SKAP1: variants seen among roughly 807,000 people sequenced by gnomAD.
The protein encoded by SKAP1 is src kinase-associated phosphoprotein 1.
SKAP1 carries 44 observed loss-of-function variants against 58.5 expected under a neutral mutation model. The observed-to-expected ratio is 0.75, with a 90% CI of 0.59 to 0.97. The LOEUF (loss-of-function observed/expected upper bound fraction) is 0.97, where lower values mean the gene tolerates loss of function less well. SKAP1 is among the 50% of genes least tolerant of loss of function. SKAP1 has a pLI of 0.00. For synonymous variants in SKAP1, 127 were observed against 149.7 expected (o/e 0.85, Z 1.11); for missense variants, 390 against 435.2 (o/e 0.90, Z 0.92).
At chr17:48,234,039 C>G (rs577585480) in intron 4 of SKAP1, among the ~76,000 whole-genome samples, 1 of 152,258 alleles carries the variant, frequency 6.6e-6, no homozygotes, top group South Asian at 2.1e-4. Context: ...ACTTCTTACT[C>G]AAGTGCATTT....
chr17:48,289,717 T>C (rs2065876947), intron 4 of SKAP1, among the ~76,000 whole-genome samples: 1 of 152,064 alleles, frequency 6.6e-6, no homozygotes, highest in South Asian at 2.1e-4. Flanking sequence ...TAATCTGTAG[T>C]CATTATTAAC....
chr17:48,263,424 T>A (rs2065505002), intron 4 of SKAP1, among the ~76,000 whole-genome samples: 1 of 152,258 alleles, frequency 6.6e-6, no homozygotes, highest in Non-Finnish European at 1.5e-5. Context: ...GGTCTCTTTA[T>A]AAAAGCAGAC....
At chr17:48,250,644 C>T (rs960824329) in intron 4 of SKAP1, among the ~76,000 whole-genome samples, 6 of 151,732 alleles carry the variant, frequency 4.0e-5, no homozygotes, top group Non-Finnish European at 2.9e-5. Context: ...TCTAAATATG[C>T]GATCTTCTCG....
At chr17:48,405,091 A>G (rs1245819640) in intron 1 of SKAP1, among the ~76,000 whole-genome samples, 1 of 151,942 alleles carries the variant, frequency 6.6e-6, no homozygotes, top group Non-Finnish European at 1.5e-5. Flanking sequence ...AGAAATTACT[A>G]AAAAAAACAT....
chr17:48,304,384 T>C (rs16955073), intron 4 of SKAP1, among the ~76,000 whole-genome samples: 30,019 of 152,204 alleles, frequency 0.2, 3,792 homozygotes, highest in South Asian at 0.38. Flanking sequence ...GCAATGTAGA[T>C]AAGCAAAGAA....
intron 4 of SKAP1, among the ~76,000 whole-genome samples, chr17:48,263,010 T>A (rs1054535282): frequency 5.9e-5 from 9 of 152,232 alleles, no homozygotes; most frequent in African/African-American, 2.2e-4. Flanking sequence ...ATGTGCATTT[T>A]TTTTCAAATG....
At chr17:48,320,916 G>A (rs773119920) in intron 4 of SKAP1, among the ~76,000 whole-genome samples, 6 of 152,178 alleles carry the variant, frequency 3.9e-5, no homozygotes, top group East Asian at 3.8e-4. Flanking sequence ...TACATTACAC[G>A]TCAAATTCTT....
At chr17:48,197,185 G>A (rs1226119423) in intron 4 of SKAP1, among the ~76,000 whole-genome samples, 1 of 151,184 alleles carries the variant, frequency 6.6e-6, no homozygotes, top group African/African-American at 2.4e-5. Flanking sequence ...TTGAACCCAG[G>A]AGGCGGATGT....
chr17:48,238,581 C>T (rs2065208210), intron 4 of SKAP1, among the ~76,000 whole-genome samples: 1 of 151,990 alleles, frequency 6.6e-6, no homozygotes, highest in East Asian at 1.9e-4. Context: ...CTATGTTGCA[C>T]AGGATGGTCT....
chr17:48,329,178 G>A (rs781359473), intron 4 of SKAP1, among the ~76,000 whole-genome samples: 6 of 152,152 alleles, frequency 3.9e-5, no homozygotes, highest in Non-Finnish European at 7.4e-5. Context: ...TACAATAGTG[G>A]AAGACAATGT....
chr17:48,432,591 C>T (rs2067925728), upstream of SKAP1, among the ~76,000 whole-genome samples: 1 of 152,216 alleles, frequency 6.6e-6, no homozygotes, highest in African/African-American at 2.4e-5. Flanking sequence ...ACTTATGAGG[C>T]ATACTAAAAA....
At chr17:48,180,389 T>C in intron 8 of SKAP1, 141 bp from the exon 9 acceptor site, 3 of 672,782 alleles carry the variant, frequency 4.5e-6, no homozygotes, top group Admixed American at 6.3e-5. Context: ...TGCTATTATT[T>C]CTAATGTGGG....
intron 4 of SKAP1, among the ~76,000 whole-genome samples, chr17:48,337,980 T>TCTTCCTTC (rs1039934760): frequency 6.6e-6 from 1 of 151,740 alleles, no homozygotes; most frequent in Non-Finnish European, 1.5e-5. Context: ...ACACTTAGTA[T>TCTTCCTTC]CTTCCTTCCT....
chr17:48,177,800 C>T lies in SKAP1; in HGVS notation c.826+2254G>A, dbSNP rs543776313. Among the ~76,000 whole-genome samples the T allele has an allele frequency of 3.0e-4, 46 of 152,236 alleles. 2 individuals carry two copies. In the South Asian group the frequency reaches 9.6e-3, roughly 32 times the overall value. ...CAATATATCCCACCTCCAACTCTGACTCTAAGAACTGTGATGGATAGAGGC... is the reference window on the plus strand; with the variant it reads ...CAATATATCCCACCTCCAACTCTGATTCTAAGAACTGTGATGGATAGAGGC... On this transcript the variant is annotated intron_variant, in intron 9 of 12. Coordinates refer to ENST00000336915, the MANE Select transcript of SKAP1 (RefSeq NM_003726.4).
intron 4 of SKAP1, among the ~76,000 whole-genome samples, chr17:48,329,178 G>C (rs781359473): frequency 6.6e-6 from 1 of 152,270 alleles, no homozygotes; most frequent in East Asian, 1.9e-4. Flanking sequence ...TACAATAGTG[G>C]AAGACAATGT....
intron 11 of SKAP1, among the ~76,000 whole-genome samples, chr17:48,160,420 A>G (rs2021811): frequency 0.56 from 84,790 of 151,792 alleles, 24,674 homozygotes; most frequent in East Asian, 0.77. Context: ...CACAGGCGTA[A>G]GCCACCATGC....
At chr17:48,157,826 G>A (rs1194074966) in intron 11 of SKAP1, among the ~76,000 whole-genome samples, 1 of 150,574 alleles carries the variant, frequency 6.6e-6, no homozygotes, top group East Asian at 2.0e-4. Context: ...ACCACACCTA[G>A]CCACTGGGGA....
At chr17:48,399,654 C>A (rs1262052298) in intron 1 of SKAP1, among the ~76,000 whole-genome samples, 3 of 151,548 alleles carry the variant, frequency 2.0e-5, no homozygotes, top group African/African-American at 7.3e-5. Flanking sequence ...GTAGTCCTAG[C>A]TACTCAAGAG....
At chr17:48,346,346 A>G (rs902942055) in intron 3 of SKAP1, among the ~76,000 whole-genome samples, 2 of 152,188 alleles carry the variant, frequency 1.3e-5, no homozygotes, top group African/African-American at 4.8e-5. Flanking sequence ...ATATTCAGCC[A>G]GGCATGGTGG....
Sources: allele counts gnomAD v4.1 joint callset (sites outside exome capture counted in the v4.1 genomes callset), GRCh38; gene constraint gnomAD v4.1.1; transcripts MANE v1.5; gene names NCBI Gene and HGNC (gene_info 2026-07-23, HGNC 2026-07-21).